Variants in CMTM4 observed in about 807,000 individuals in gnomAD.
CMTM4 encodes CKLF like MARVEL transmembrane domain containing 4.
CMTM4 carries 8 observed loss-of-function variants against 19.0 expected under a neutral mutation model. The observed-to-expected ratio is 0.42, with a 90% CI of 0.25 to 0.76. CMTM4 has a LOEUF of 0.76. Ranked by LOEUF, CMTM4 falls within the 30% of genes least tolerant of loss-of-function variation. The pLI is 0.27. For missense variants in CMTM4, 228 were observed against 290.2 expected, an observed-to-expected ratio of 0.79 and a Z score of 1.56; for synonymous variants, 106 against 121.1, an observed-to-expected ratio of 0.88 and a Z score of 0.82.
Position 66,621,986 on chromosome 16 carries a change from C to A in CMTM4, c.*72G>T. 1 of 1,491,510 alleles carries A rather than the reference C, an allele frequency of 6.7e-7. No homozygotes were observed. The highest frequency in any genetic ancestry group is 1.4e-5 in the African/African-American group (1 of 70,976). The allele number at this position is 1,491,510 out of a possible 1,614,324, so 92.4% of individuals were successfully genotyped here. ...TCAACTGAATCACATGGAAATCTGACAGGACAAGGGAAAGAAAACTTGACT... is the reference window on the plus strand; with the variant it reads ...TCAACTGAATCACATGGAAATCTGAAAGGACAAGGGAAAGAAAACTTGACT... On this transcript the variant is annotated 3_prime_UTR_variant, in exon 4 of 4. Transcript: ENST00000394106.
intron 1 of CMTM4, among the ~76,000 whole-genome samples, chr16:66,663,959 G>A (rs2016546724): frequency 6.6e-6 from 1 of 152,156 alleles, no homozygotes; most frequent in South Asian, 2.1e-4. Context: ...CAGGCCAGGT[G>A]CAGTGGCACA....
intron 1 of CMTM4, among the ~76,000 whole-genome samples, chr16:66,683,135 A>ATATATATATATGTATATATATATACG (rs2016949683): frequency 1.5e-5 from 2 of 135,568 alleles, no homozygotes; most frequent in African/African-American, 5.4e-5. Flanking sequence ...GTGTGTATAT[A>ATATATATATATGTATATATATATACG]TATATATATA....
At chr16:66,600,184 C>G in the CMTM4 span, among the ~76,000 whole-genome samples, 1 of 143,692 alleles carries the variant, frequency 7.0e-6, no homozygotes, top group East Asian at 2.1e-4. Context: ...CCTCTGTCAC[C>G]CAGGCTGGAG....
At chr16:66,644,033 T>G (rs2016145098) in intron 1 of CMTM4, among the ~76,000 whole-genome samples, 1 of 152,140 alleles carries the variant, frequency 6.6e-6, no homozygotes, top group African/African-American at 2.4e-5. Context: ...GGATTACAGG[T>G]GTGAGCCACC....
At position 66,696,078 on chromosome 16, in the gene CMTM4, G is replaced by A. The variant is rs1032759855; in HGVS notation, c.186+262C>T. Reference sequence around the variant, plus strand: ...AGACTCCCGGGAGCGAGGGCGGAGCGGACAGGTAGGCCCGAAGGCAGGTGC... The same window carrying A: ...AGACTCCCGGGAGCGAGGGCGGAGCAGACAGGTAGGCCCGAAGGCAGGTGC... On this transcript the variant is annotated intron_variant, in intron 1 of 3. Coordinates refer to ENST00000394106, the MANE Select transcript of CMTM4 (RefSeq NM_181521.3). The surrounding 1 kb of genome is among the most constrained non-coding windows in gnomAD (Gnocchi z 4.3). 2.0e-5 allele frequency among the ~76,000 whole-genome samples: 3 copies of A among 152,172 alleles called. No individual in the cohort carries two copies. The highest frequency in any genetic ancestry group is 7.2e-5 in the African/African-American group (3 of 41,460).
chr16:66,665,446 T>C (rs936316141), intron 1 of CMTM4, among the ~76,000 whole-genome samples: 2 of 152,006 alleles, frequency 1.3e-5, no homozygotes, highest in African/African-American at 4.8e-5. Flanking sequence ...TAAAATTTCT[T>C]CAAAATTAGA....
At chr16:66,638,879 G>A (rs355970) in intron 1 of CMTM4, among the ~76,000 whole-genome samples, 14,282 of 148,660 alleles carry the variant, frequency 0.096, 943 homozygotes, top group East Asian at 0.28. Flanking sequence ...AAAAACAAAA[G>A]CAAACAAACA....
intron 1 of CMTM4, among the ~76,000 whole-genome samples, chr16:66,654,007 C>CTGGG (rs2016356736): frequency 6.6e-6 from 1 of 152,102 alleles, no homozygotes. Context: ...TCTGAAAGTG[C>CTGGG]TGGGATTAAA....
the CMTM4 span, among the ~76,000 whole-genome samples, chr16:66,600,178 T>C: frequency 2.8e-4 from 41 of 145,538 alleles, no homozygotes; most frequent in African/African-American, 1.0e-3. Context: ...AGTCTCCCTC[T>C]GTCACCCAGG....
In CMTM4 at chr16:66,619,522, C is replaced by T. The variant is rs185958982; in HGVS notation, c.*2536G>A. The T allele has an allele frequency of 7.1e-6, 7 of 985,272 alleles. No individual in the cohort carries two copies. The highest frequency in any genetic ancestry group is 6.2e-5 in the Admixed American group (1 of 16,258). 61.0% of individuals were successfully genotyped at this position (985,272 alleles called of 1,614,324 possible). On this transcript the variant is annotated 3_prime_UTR_variant, in exon 4 of 4. Coordinates refer to ENST00000394106, the MANE Select transcript of CMTM4 (RefSeq NM_181521.3). ...CTATTGAAACTATTAAACGCAAAAA[C>T]GCTTCCTTCAATTTGCCAAGAGGTC...
intron 1 of CMTM4, among the ~76,000 whole-genome samples, chr16:66,648,674 T>G (rs545734974): frequency 4.6e-3 from 687 of 147,826 alleles, no homozygotes; most frequent in Non-Finnish European, 8.4e-3. Context: ...AAAAAAGAAA[T>G]AAATCTCAGC....
intron 1 of CMTM4, among the ~76,000 whole-genome samples, chr16:66,644,131 T>C (rs2016146974): frequency 6.6e-6 from 1 of 152,206 alleles, no homozygotes; most frequent in Non-Finnish European, 1.5e-5. Flanking sequence ...ATACAGCTGA[T>C]GAATTTTAAA....
At chr16:66,677,789 C>T (rs1168086311) in intron 1 of CMTM4, among the ~76,000 whole-genome samples, 1 of 152,072 alleles carries the variant, frequency 6.6e-6, no homozygotes, top group South Asian at 2.1e-4. Context: ...GCAATCTCCA[C>T]CTACTGGGTT....
chr16:66,680,372 G>A (rs1337504581), intron 1 of CMTM4, among the ~76,000 whole-genome samples: 2 of 151,764 alleles, frequency 1.3e-5, no homozygotes, highest in Non-Finnish European at 2.9e-5. Flanking sequence ...CCAGCTACTC[G>A]GGAGGCTGAG....
chr16:66,631,175 G>A (rs1361684119), intron 2 of CMTM4, among the ~76,000 whole-genome samples: 2 of 144,198 alleles, frequency 1.4e-5, no homozygotes, highest in Non-Finnish European at 3.0e-5. Flanking sequence ...GTGGGGGTCA[G>A]CCCCCGCCCG....
intron 1 of CMTM4, among the ~76,000 whole-genome samples, chr16:66,649,446 C>T (rs2016268022): frequency 7.3e-6 from 1 of 136,320 alleles, no homozygotes. Flanking sequence ...TTGATTCCTT[C>T]TCTCTATCTA....
chr16:66,623,599 A>G, intron 2 of CMTM4, 97 bp from the exon 3 acceptor site: 1 of 736,776 alleles, frequency 1.4e-6, no homozygotes, highest in Non-Finnish European at 2.2e-6. Flanking sequence ...CACGATACCC[A>G]ACCTCCCTGG....
intron 1 of CMTM4, among the ~76,000 whole-genome samples, chr16:66,681,673 AT>A (rs1192088668): frequency 2.6e-5 from 4 of 152,266 alleles, no homozygotes; most frequent in Admixed American, 1.3e-4. Flanking sequence ...TACCAGCCAC[AT>A]TTCAAGCGCT....
Position 66,621,805 on chromosome 16 carries a change from CA to C in CMTM4, c.*252del. The C allele has an allele frequency of 7.5e-7, 1 of 1,326,002 alleles. No homozygotes were observed. Among genetic ancestry groups the C allele is most frequent in the Non-Finnish European group, 9.7e-7 (1 of 1,034,116 alleles). The allele number at this position is 1,326,002 out of a possible 1,614,324, so 82.1% of individuals were successfully genotyped here. ...GTCAAAGGAAGCCTGTGCTTCAGGG[CA>C]GGTAAGACCTCAAGTGGACCTGGGC... On this transcript the variant is annotated 3_prime_UTR_variant, in exon 4 of 4. Coordinates refer to ENST00000394106, the MANE Select transcript of CMTM4 (RefSeq NM_181521.3).
Sources: gnomAD v4.1 joint callset for allele counts (sites outside exome capture counted in the v4.1 genomes callset) on GRCh38, gnomAD v4.1.1 for gene constraint, Gnocchi (gnomAD v3.1) non-coding constraint, MANE v1.5 for transcripts, NCBI Gene and HGNC (gene_info 2026-07-23, HGNC 2026-07-21) for gene names.